PVT1: variants seen among roughly 807,000 people sequenced by gnomAD.
PVT1 encodes the protein Pvt1 oncogene.
chr8:127,845,842 T>A (rs545360544), intron 2 of PVT1, among the ~76,000 whole-genome samples: 104 of 152,332 alleles, frequency 6.8e-4, no homozygotes, highest in Non-Finnish European at 1.1e-3. Flanking sequence ...AAAAGAGATT[T>A]CCAAGGTGGA....
chr8:128,063,827 C>G (rs1016206315), intron 4 of PVT1, among the ~76,000 whole-genome samples: 1 of 152,016 alleles, frequency 6.6e-6, no homozygotes, highest in African/African-American at 2.4e-5. Flanking sequence ...ATGAACAAGG[C>G]TAAGAGAGTG....
chr8:127,809,517 C>A (rs1410651661), intron 2 of PVT1, among the ~76,000 whole-genome samples: 1 of 152,076 alleles, frequency 6.6e-6, no homozygotes, highest in Non-Finnish European at 1.5e-5. Context: ...TGAGGTGGGG[C>A]AGGGATGAGA....
At chr8:127,850,253 G>A (rs1389156828) in intron 2 of PVT1, among the ~76,000 whole-genome samples, 12 of 152,112 alleles carry the variant, frequency 7.9e-5, no homozygotes, top group Admixed American at 7.2e-4. Flanking sequence ...AGGACCTAGC[G>A]GTCGGTCTGG....
chr8:128,040,669 C>A (rs1331892354), intron 4 of PVT1, among the ~76,000 whole-genome samples: 1 of 152,132 alleles, frequency 6.6e-6, no homozygotes, highest in Non-Finnish European at 1.5e-5. Flanking sequence ...GTCCATGGGG[C>A]CGCACAGCAC....
intron 5 of PVT1, among the ~76,000 whole-genome samples, chr8:128,079,281 C>A (rs975855297): frequency 1.3e-5 from 2 of 152,188 alleles, no homozygotes; most frequent in Non-Finnish European, 2.9e-5. Flanking sequence ...TTGCTCAGCT[C>A]TCTGTGTGTA....
intron 2 of PVT1, among the ~76,000 whole-genome samples, chr8:127,812,291 A>AG (rs1814606919): frequency 8.2e-6 from 1 of 122,004 alleles, no homozygotes; most frequent in South Asian, 2.6e-4. Context: ...AGGAAGGAAG[A>AG]GAATGAAAGG....
chr8:127,948,982 T>G (rs1449956008), intron 3 of PVT1, among the ~76,000 whole-genome samples: 1 of 152,166 alleles, frequency 6.6e-6, no homozygotes, highest in Non-Finnish European at 1.5e-5. Context: ...GCATCAGAAA[T>G]AGCCGACTTT....
intron 2 of PVT1, among the ~76,000 whole-genome samples, chr8:127,822,153 G>T: frequency 6.6e-6 from 1 of 152,212 alleles, no homozygotes; most frequent in East Asian, 1.9e-4. Flanking sequence ...AATAGTGTCT[G>T]GCCCGTTTTA....
chr8:128,081,868 C>T (rs1814185378), intron 5 of PVT1, among the ~76,000 whole-genome samples: 1 of 152,158 alleles, frequency 6.6e-6, no homozygotes. Context: ...TATTGTAGAT[C>T]CGTAGACCTG....
At chr8:128,098,380 G>C (rs995080108) in intron 6 of PVT1, among the ~76,000 whole-genome samples, 1 of 152,130 alleles carries the variant, frequency 6.6e-6, no homozygotes, top group Non-Finnish European at 1.5e-5. Flanking sequence ...GGGTGCAGGA[G>C]GGGGTGCGAA....
At chr8:127,950,477 C>T (rs1490810283) in intron 3 of PVT1, among the ~76,000 whole-genome samples, 1 of 152,258 alleles carries the variant, frequency 6.6e-6, no homozygotes, top group Non-Finnish European at 1.5e-5. Flanking sequence ...CACTGCTCCA[C>T]GCTGCCTCCA....
intron 5 of PVT1, among the ~76,000 whole-genome samples, chr8:128,088,601 C>T (rs1041630616): frequency 5.9e-5 from 9 of 152,318 alleles, no homozygotes; most frequent in Non-Finnish European, 1.3e-4. Flanking sequence ...ATGCTGTGCA[C>T]GACTTCAGTC....
chr8:127,984,911 TTCTTTCTTTCTCTTTC>T lies in PVT1; in HGVS notation n.783-4239_783-4224del, dbSNP rs1199951772. ...TTTCTTTCTTTCTTTCTTTCTTTCT[TTCTTTCTTTCTCTTTC>T]TCTTTCTTTCTTTCTTTCCCCTTCC... is the stretch of plus-strand genomic sequence containing the variant. On this transcript the variant is annotated intron_variant and non_coding_transcript_variant, in intron 3 of 10. Coordinates refer to ENST00000651587, the Ensembl canonical transcript of PVT1. 7.1e-3 allele frequency among the ~76,000 whole-genome samples: 581 copies of T among 82,222 alleles called. 19 individuals carry two copies. Among genetic ancestry groups the T allele is most frequent in the South Asian group, 0.011 (22 of 2,082 alleles). The allele number at this position is 82,222 out of a possible 152,430, so 53.9% of individuals were successfully genotyped here.
At chr8:127,903,349 A>G (rs1174320746) in intron 3 of PVT1, among the ~76,000 whole-genome samples, 2 of 152,184 alleles carry the variant, frequency 1.3e-5, no homozygotes, top group African/African-American at 2.4e-5. Flanking sequence ...TCAAATGCAT[A>G]CTTTGTGAAT....
At chr8:127,940,686 G>A (rs1191278867) in intron 3 of PVT1, among the ~76,000 whole-genome samples, 1 of 151,836 alleles carries the variant, frequency 6.6e-6, no homozygotes, top group African/African-American at 2.4e-5. Flanking sequence ...ACTGAACCTT[G>A]ACCTCCAGGG....
chr8:127,883,062 TCACACA>T lies in PVT1; in HGVS notation n.373-7508_373-7503del, dbSNP rs10637867. 7.4e-5 allele frequency among the ~76,000 whole-genome samples: 11 copies of T among 147,884 alleles called. No individual in the cohort carries two copies. In the East Asian group the frequency reaches 1.0e-3, roughly 14 times the overall value. On this transcript the variant is annotated intron_variant and non_coding_transcript_variant, in intron 2 of 10. Transcript: ENST00000651587. Reference sequence around the variant, plus strand: ...GCACGCACACATGCATGCACACACATCACACACACACACACACACACACAGACACAT... The same window carrying T: ...GCACGCACACATGCATGCACACACATCACACACACACACACACAGACACAT...
At chr8:127,899,127 G>T (rs1024522677) in intron 3 of PVT1, among the ~76,000 whole-genome samples, 1 of 152,238 alleles carries the variant, frequency 6.6e-6, no homozygotes, top group African/African-American at 2.4e-5. Flanking sequence ...CGTCTGCAGG[G>T]AAAATAAGGA....
intron 4 of PVT1, among the ~76,000 whole-genome samples, chr8:128,043,747 T>C (rs905334570): frequency 6.8e-6 from 1 of 148,052 alleles, no homozygotes; most frequent in African/African-American, 2.6e-5. Context: ...AACTGCTATA[T>C]AGTATTATTT....
At chr8:127,799,471 C>G (rs1357542681) in intron 2 of PVT1, among the ~76,000 whole-genome samples, 3 of 152,154 alleles carry the variant, frequency 2.0e-5, no homozygotes, top group Non-Finnish European at 4.4e-5. Context: ...ACACAGTCAA[C>G]AGTCATTATC....
Sources: allele counts gnomAD v4.1 joint callset (sites outside exome capture counted in the v4.1 genomes callset), GRCh38; gene constraint gnomAD v4.1.1; transcripts MANE v1.5; gene names NCBI Gene and HGNC (gene_info 2026-07-23, HGNC 2026-07-21).